DNAH6: variants seen among roughly 807,000 people sequenced by gnomAD.
DNAH6 encodes axonemal beta dynein heavy chain 6.
Under a neutral mutation model 491.4 loss-of-function variants are expected in DNAH6, and 340 were observed. The ratio of observed to expected loss-of-function variants is 0.69; its 90% CI spans 0.63 to 0.76. The LOEUF (loss-of-function observed/expected upper bound fraction) is 0.76. Among genes scored for constraint, DNAH6 ranks in the 30% least tolerant of loss-of-function variants. DNAH6 has a pLI of 0.00. For synonymous variants in DNAH6, 1,603 were observed against 1,686.1 expected (o/e 0.95, Z 1.21); for missense variants, 4,443 against 4,972.2 (o/e 0.89, Z 3.20).
intron 33 of DNAH6, among the ~76,000 whole-genome samples, chr2:84,642,649 T>G (rs1184413087): frequency 6.6e-6 from 1 of 152,136 alleles, no homozygotes; most frequent in African/African-American, 2.4e-5. Context: ...TGCCCTAGAT[T>G]TTGCAATATA....
At chr2:84,802,981 A>C (rs1559059031) in intron 70 of DNAH6, among the ~76,000 whole-genome samples, 1 of 152,226 alleles carries the variant, frequency 6.6e-6, no homozygotes, top group Non-Finnish European at 1.5e-5. Flanking sequence ...AAAGAAATTA[A>C]GGCAAAAATC....
intron 12 of DNAH6, among the ~76,000 whole-genome samples, chr2:84,576,170 A>G (rs1165676626): frequency 2.0e-5 from 3 of 152,202 alleles, no homozygotes; most frequent in African/African-American, 7.2e-5. Context: ...ATCATTTAAC[A>G]TCTTAATTTA....
At chr2:84,590,614 T>C (rs187050993) in intron 16 of DNAH6, among the ~76,000 whole-genome samples, 1,583 of 152,194 alleles carry the variant, frequency 0.01, 16 homozygotes, top group Non-Finnish European at 0.017. Flanking sequence ...CCCTCCTTTT[T>C]CCCTTGGACA....
intron 64 of DNAH6, chr2:84,778,296 G>A (rs573853243): frequency 1.7e-5 from 9 of 535,596 alleles, no homozygotes; most frequent in African/African-American, 1.1e-4. Flanking sequence ...AATGAGATCC[G>A]GACTTGGTGG....
chr2:84,603,713 A>G (rs1470637433), intron 18 of DNAH6, among the ~76,000 whole-genome samples: 2 of 151,790 alleles, frequency 1.3e-5, no homozygotes, highest in African/African-American at 2.4e-5. Context: ...TCCATGTTCT[A>G]TTCCTCCAGT....
intron 8 of DNAH6, among the ~76,000 whole-genome samples, chr2:84,549,184 A>G (rs1056842531): frequency 6.6e-6 from 1 of 152,202 alleles, no homozygotes; most frequent in Non-Finnish European, 1.5e-5. Flanking sequence ...GGAACTATAA[A>G]ATACTGATTA....
intron 18 of DNAH6, 50 bp from the exon 19 acceptor site, chr2:84,604,289 A>G: frequency 7.1e-7 from 1 of 1,414,290 alleles, no homozygotes; most frequent in Non-Finnish European, 9.8e-7. Context: ...CCTGTGGGTT[A>G]TATTTTTAAG....
chr2:84,613,287 G>T (rs767695144), intron 22 of DNAH6, among the ~76,000 whole-genome samples: 8 of 152,078 alleles, frequency 5.3e-5, no homozygotes, highest in Middle Eastern at 3.2e-3. Context: ...CAAAGGCAAG[G>T]CTCCCAAGGT....
intron 64 of DNAH6, among the ~76,000 whole-genome samples, chr2:84,769,752 G>C (rs1039553336): frequency 7.2e-5 from 11 of 152,182 alleles, no homozygotes; most frequent in Non-Finnish European, 1.6e-4. Context: ...ATGAGCCACT[G>C]CCTCGTGGCC....
chr2:84,527,081 A>T (rs1553410273), intron 3 of DNAH6, among the ~76,000 whole-genome samples: 1 of 152,128 alleles, frequency 6.6e-6, no homozygotes, highest in Non-Finnish European at 1.5e-5. Flanking sequence ...GAAAAAGGTA[A>T]TTTTTTCAGA....
chr2:84,499,447 T>G, the DNAH6 span, among the ~76,000 whole-genome samples: 17 of 152,378 alleles, frequency 1.1e-4, no homozygotes, highest in African/African-American at 4.1e-4. Flanking sequence ...CATCTGTTGA[T>G]GGACACTTAG....
intron 45 of DNAH6, among the ~76,000 whole-genome samples, chr2:84,689,454 G>A (rs1386287803): frequency 6.6e-6 from 1 of 152,108 alleles, no homozygotes; most frequent in Non-Finnish European, 1.5e-5. Flanking sequence ...GGAGTGCCTG[G>A]AGCATCTCCG....
At position 84,787,288 on chromosome 2, in the gene DNAH6, T is replaced by C. The variant is rs1361106420; in HGVS notation, c.11225T>C (p.Leu3742Pro). 1 of 1,548,996 alleles carries C rather than the reference T, an allele frequency of 6.5e-7. No homozygotes were observed. Among genetic ancestry groups the C allele is most frequent in the Non-Finnish European group, 8.7e-7 (1 of 1,145,914 alleles). Residue 3742 changes from leucine to proline, a missense_variant, in exon 68 of 77, where the codon CTA (leucine) becomes CCA (proline). Leu to Pro is a moderately conservative substitution (Grantham distance 98, BLOSUM62 -3). Coordinates refer to ENST00000389394, the MANE Select transcript of DNAH6 (RefSeq NM_001370.2). ...GAAGGAAAGATTCCCTGGGATGCAC[T>C]AATTTACATTACTGGTGAGTACGTC... ...CKEGKIPWDA[L>P]IYITGEITYG...
chr2:84,486,786 A>T, the DNAH6 span, among the ~76,000 whole-genome samples: 2 of 152,232 alleles, frequency 1.3e-5, no homozygotes, highest in Non-Finnish European at 1.5e-5. Context: ...CATTCAGCAG[A>T]CAAGAGACAA....
In DNAH6 at chr2:84,634,530, G is replaced by A. The variant is rs750752276; in HGVS notation, c.4542G>A (p.Leu1514=). ...YKMMGRFFSG[L]AQSGAWCCFD... is the part of the protein sequence containing the mutation. The stretch of plus-strand genomic sequence containing the variant: ...TGATGGGGCGCTTCTTCAGTGGCTT[G>A]GCACAGTCAGGGGCCTGGTGCTGCT... The change falls in exon 30 of 77, where the codon TTG becomes TTA. Residue 1514 remains leucine (L), a synonymous_variant. Transcript: ENST00000389394. The A allele has an allele frequency of 2.4e-5, 37 of 1,546,120 alleles. No homozygotes were observed. In the East Asian group the frequency reaches 8.9e-4, roughly 37 times the overall value.
rs1448270363 is a variant in DNAH6 at position 84,706,951 on chromosome 2, A to G, written c.8783A>G (p.Gln2928Arg). 6.5e-7 allele frequency: 1 copy of G among 1,544,950 alleles called. No homozygotes were observed. Among genetic ancestry groups the G allele is most frequent in the South Asian group, 1.2e-5 (1 of 81,778 alleles). The part of the protein sequence containing the change: ...TLREKQALLR[Q>R]VEDQIQALQD... ...AGAGAAAAGCAAGCATTACTAAGAC[A>G]AGTAGAAGATCAAATACAGGCCTTA... Residue 2928 changes from glutamine (Q) to arginine (R), a missense_variant, in exon 53 of 77, where the codon CAA becomes CGA. Gln to Arg is a conservative substitution (Grantham distance 43). Around this residue, in one of 3 missense-constraint regions of DNAH6, gnomAD observed 1,463 missense variants for 1,656.6 expected, o/e 0.88. Coordinates refer to ENST00000389394, the MANE Select transcript of DNAH6 (RefSeq NM_001370.2).
At chr2:84,795,182 G>T (rs1421531552) in intron 68 of DNAH6, among the ~76,000 whole-genome samples, 1 of 107,808 alleles carries the variant, frequency 9.3e-6, no homozygotes, top group Non-Finnish European at 1.8e-5. Flanking sequence ...TGGGGGGAGG[G>T]GGGAGGGATA....
chr2:84,762,715 T>A (rs2105135124), intron 63 of DNAH6, 40 bp from the exon 64 acceptor site: 2 of 1,388,826 alleles, frequency 1.4e-6, no homozygotes, highest in Middle Eastern at 1.8e-4. Flanking sequence ...TTATGAAGGA[T>A]CCTCATTCAA....
At chr2:84,486,960 G>A in the DNAH6 span, among the ~76,000 whole-genome samples, 2 of 152,182 alleles carry the variant, frequency 1.3e-5, no homozygotes, top group Admixed American at 6.5e-5. Flanking sequence ...GGGTTACAAG[G>A]GTGAGCAAAA....
Sources: gnomAD v4.1 joint callset for allele counts (sites outside exome capture counted in the v4.1 genomes callset) on GRCh38, gnomAD v4.1.1 for gene constraint, gnomAD v4.1.1 regional missense constraint, MANE v1.5 for transcripts, NCBI Gene and HGNC (gene_info 2026-07-23, HGNC 2026-07-21) for gene names.